UGT1A7: variants seen among roughly 807,000 people sequenced by gnomAD.
UGT1A7 encodes UDP glucuronosyltransferase family 1 member A7, also known as UDP-glucuronosyltransferase 1A7.
In UGT1A7, 33 loss-of-function variants were observed where a neutral mutation model predicts 45.6. The observed-to-expected ratio is 0.72, with a 90% CI of 0.55 to 0.97. The LOEUF (loss-of-function observed/expected upper bound fraction) is 0.97, where lower values mean the gene tolerates loss of function less well. Among genes scored for constraint, UGT1A7 ranks in the 50% least tolerant of loss-of-function variants. The probability of loss-of-function intolerance (pLI) is 0.00; values close to 1 mark genes in which losing one functional copy is unlikely to be tolerated. For synonymous variants in UGT1A7, 274 were observed against 250.6 expected (o/e 1.09, Z -0.88); for missense variants, 684 against 666.2 (o/e 1.03, Z -0.29).
intron 1 of UGT1A7, chr2:233,717,851 C>G (rs1207053038): frequency 2.2e-6 from 1 of 455,084 alleles, no homozygotes; most frequent in Non-Finnish European, 4.4e-6. Flanking sequence ...CTTATCAGAA[C>G]TTGGTGCTGG....
At chr2:233,719,052 A>T (rs200903552) in intron 1 of UGT1A7, 1 of 1,614,270 alleles carries the variant, frequency 6.2e-7, no homozygotes, top group Non-Finnish European at 8.5e-7. Flanking sequence ...TTTCACCCTG[A>T]CAGCCTATGC....
intron 4 of UGT1A7, among the ~76,000 whole-genome samples, chr2:233,771,893 A>G (rs546838054): frequency 6.6e-6 from 1 of 150,952 alleles, no homozygotes; most frequent in Admixed American, 6.6e-5. Flanking sequence ...TCTTAATTAT[A>G]ACCTTTCAGG....
At chr2:233,754,435 G>T (rs1695484691) in intron 1 of UGT1A7, 21 of 350,618 alleles carry the variant, frequency 6.0e-5, no homozygotes, top group South Asian at 4.7e-4. Context: ...GGCATAAAGT[G>T]TTTATAAATT....
Position 233,682,426 on chromosome 2 carries a change from C to T in UGT1A7, c.489C>T (p.Leu163=), listed in dbSNP as rs540052265. The T allele has an allele frequency of 7.4e-6, 12 of 1,613,888 alleles. No individual in the cohort carries two copies. The East Asian group carries it at 2.2e-4, about 30-fold the overall frequency. Residue 163 remains leucine, a synonymous_variant, in exon 1 of 5, where the codon CTC becomes CTT. Transcript: ENST00000373426. ...CGLIVAKYFS[L]PSVVFARGIF... is the part of the protein sequence containing the mutation. ...TAATTGTTGCCAAATATTTCTCCCT[C>T]CCCTCTGTGGTCTTCGCCAGGGGAA...
chr2:233,719,691 T>C (rs1369950674), intron 1 of UGT1A7: 1 of 1,614,102 alleles, frequency 6.2e-7, no homozygotes, highest in East Asian at 2.2e-5. Flanking sequence ...ATCTCAGGTC[T>C]GTATTGGTGC....
intron 1 of UGT1A7, among the ~76,000 whole-genome samples, chr2:233,696,448 G>A (rs1198346703): frequency 6.6e-6 from 1 of 152,068 alleles, no homozygotes; most frequent in African/African-American, 2.4e-5. Context: ...ATTTATAAAT[G>A]CTACTGATTT....
intron 1 of UGT1A7, among the ~76,000 whole-genome samples, chr2:233,721,233 T>C (rs911538270): frequency 5.3e-5 from 8 of 152,262 alleles, no homozygotes; most frequent in African/African-American, 1.9e-4. Context: ...ATGTAGTTAC[T>C]GAATTGTAAA....
chr2:233,766,981 G>A, intron 1 of UGT1A7, 53 bp from the exon 2 acceptor site: 1 of 1,612,648 alleles, frequency 6.2e-7, no homozygotes, highest in Non-Finnish European at 8.5e-7. Flanking sequence ...ACTGTATGTA[G>A]TCATCAAAGA....
chr2:233,748,071 C>G (rs1693854159), intron 1 of UGT1A7: 1 of 1,613,254 alleles, frequency 6.2e-7, no homozygotes, highest in Non-Finnish European at 8.5e-7. Flanking sequence ...CAGGAAGCCA[C>G]TATCTCAGGT....
At chr2:233,756,429 T>C (rs2125943260) in intron 1 of UGT1A7, 1 of 152,364 alleles carries the variant, frequency 6.6e-6, no homozygotes, top group South Asian at 2.1e-4. Context: ...ACTGTTTTTT[T>C]TTCATTGTTG....
chr2:233,705,257 T>C (rs2075836592), intron 1 of UGT1A7, among the ~76,000 whole-genome samples: 1 of 152,236 alleles, frequency 6.6e-6, no homozygotes, highest in Admixed American at 6.5e-5. Flanking sequence ...GATTATTCTA[T>C]GGGGTCACTT....
chr2:233,766,278 C>T (rs4663334), intron 1 of UGT1A7, among the ~76,000 whole-genome samples: 20,562 of 116,134 alleles, frequency 0.18, 1,583 homozygotes, highest in African/African-American at 0.25. Flanking sequence ...CTCGGTGGCC[C>T]GGGCTCGGTG....
At chr2:233,702,860 C>G (rs1007484594) in intron 1 of UGT1A7, among the ~76,000 whole-genome samples, 6 of 152,102 alleles carry the variant, frequency 3.9e-5, no homozygotes, top group Non-Finnish European at 7.4e-5. Flanking sequence ...TTTGGTTTGA[C>G]AGCATTTTAT....
intron 1 of UGT1A7, among the ~76,000 whole-genome samples, chr2:233,727,988 A>C (rs1274314392): frequency 6.6e-6 from 1 of 152,262 alleles, no homozygotes; most frequent in Non-Finnish European, 1.5e-5. Context: ...AGGTGGCATC[A>C]GCAATCTTGT....
At chr2:233,755,508 C>T (rs1304593728) in intron 1 of UGT1A7, 5 of 166,694 alleles carry the variant, frequency 3.0e-5, no homozygotes, top group Non-Finnish European at 5.2e-5. Flanking sequence ...AGACCAGGCC[C>T]CGCCCACTCC....
At chr2:233,695,862 A>G (rs1251510641) in intron 1 of UGT1A7, among the ~76,000 whole-genome samples, 2 of 152,224 alleles carry the variant, frequency 1.3e-5, no homozygotes, top group East Asian at 3.8e-4. Context: ...CTCACTCAAC[A>G]ACAAACAACG....
intron 1 of UGT1A7, among the ~76,000 whole-genome samples, chr2:233,732,854 T>C (rs1024629141): frequency 3.3e-5 from 5 of 151,658 alleles, no homozygotes; most frequent in African/African-American, 9.7e-5. Context: ...TGTGAAGTCA[T>C]TGGTAGCTTG....
intron 1 of UGT1A7, among the ~76,000 whole-genome samples, chr2:233,695,490 A>G (rs1163711980): frequency 2.0e-5 from 3 of 149,960 alleles, no homozygotes; most frequent in East Asian, 3.9e-4. Flanking sequence ...TCTCTTTTCT[A>G]TCAAAGTTTT....
chr2:233,734,445 A>G (rs1034867572), intron 1 of UGT1A7, among the ~76,000 whole-genome samples: 11 of 144,918 alleles, frequency 7.6e-5, no homozygotes, highest in African/African-American at 3.0e-4. Flanking sequence ...CCAGAGGTCT[A>G]TCAATTTTCA....
Sources: gnomAD v4.1 joint callset for allele counts (sites outside exome capture counted in the v4.1 genomes callset) on GRCh38, gnomAD v4.1.1 for gene constraint, MANE v1.5 for transcripts, NCBI Gene and HGNC (gene_info 2026-07-23, HGNC 2026-07-21) for gene names.